The following NFASC variants were observed in gnomAD, a reference collection of about 807,000 sequenced individuals.
The protein encoded by NFASC is neurofascin.
Under a neutral mutation model 147.5 loss-of-function variants are expected in NFASC, and 43 were observed. That is an observed-to-expected ratio of 0.29 (90% CI 0.23 to 0.38). The LOEUF (loss-of-function observed/expected upper bound fraction) is 0.38. NFASC is among the 10% of genes least tolerant of loss of function. The pLI is 1.00. For synonymous variants in NFASC, 622 were observed against 665.5 expected (o/e 0.93, Z 1.01); for missense variants, 1,320 against 1,689.0 (o/e 0.78, Z 3.83).
chr1:204,976,837 C>T, intron 16 of NFASC, 42 bp downstream of exon 16: 1 of 1,589,796 alleles, frequency 6.3e-7, no homozygotes, highest in South Asian at 1.1e-5. Context: ...AGCCCCACCC[C>T]CTCCCCAGCA....
At chr1:204,965,850 T>A (rs2094921369) in intron 8 of NFASC, among the ~76,000 whole-genome samples, 1 of 152,196 alleles carries the variant, frequency 6.6e-6, no homozygotes, top group South Asian at 2.1e-4. Context: ...ACGTTTTTGG[T>A]GCTAAATGGC....
At chr1:205,009,270 C>T in intron 27 of NFASC, 2 of 510,544 alleles carry the variant, frequency 3.9e-6, no homozygotes, top group South Asian at 1.9e-5. Context: ...TGCCGTGCTT[C>T]ATCCCTATGA....
intron 4 of NFASC, among the ~76,000 whole-genome samples, chr1:204,951,179 C>T (rs538376874): frequency 2.4e-4 from 35 of 144,502 alleles, no homozygotes; most frequent in African/African-American, 8.4e-4. Context: ...TATGGAGTCT[C>T]GCTCTATCGC....
rs576518629 is a variant in NFASC, at chr1:204,954,622, G to T, written c.413-207G>T. On this transcript the variant is annotated intron_variant, in intron 6 of 29. Coordinates refer to ENST00000339876, the MANE Select transcript of NFASC (RefSeq NM_001005388.3). The surrounding 1 kb of genome is among the most constrained non-coding windows in gnomAD (Gnocchi z 5.7). ...ACTGCGGGCACAGGAGACGGGAAAG[G>T]AGGGGAGCCTTGAAGATGCCTCCCT... Among the ~76,000 whole-genome samples, 1 of 152,196 alleles carries T rather than the reference G, an allele frequency of 6.6e-6. No individual in the cohort carries two copies. Among genetic ancestry groups the T allele is most frequent in the Non-Finnish European group, 1.5e-5 (1 of 68,024 alleles).
At position 204,995,315 on chromosome 1, in the gene NFASC, AGTGTGTGTGTGTGT is replaced by A. The variant is rs60921990; in HGVS notation, c.2783-1830_2783-1817del. Among the ~76,000 whole-genome samples, 20 of 140,886 alleles carry A rather than the reference AGTGTGTGTGTGTGT, an allele frequency of 1.4e-4. No individual in the cohort carries two copies. The East Asian group carries it at 2.6e-3, about 18-fold the overall frequency. 92.4% of individuals were successfully genotyped at this position (140,886 alleles called of 152,430 possible). ...GCTTTCCCATGTATGATGTGTGCAC[AGTGTGTGTGTGTGT>A]GTGTGTGTGTGTGTGTGTGTGTGTA... On this transcript the variant is annotated intron_variant, in intron 24 of 29. Coordinates refer to ENST00000339876, the MANE Select transcript of NFASC (RefSeq NM_001005388.3).
chr1:204,956,061 C>T (rs1390190413), intron 7 of NFASC, among the ~76,000 whole-genome samples: 2 of 152,180 alleles, frequency 1.3e-5, no homozygotes, highest in African/African-American at 4.8e-5. Flanking sequence ...TCATCTCTCC[C>T]ACATCACATT....
chr1:204,985,833 C>G lies in NFASC; in HGVS notation c.2471-1585C>G, dbSNP rs568467143. On this transcript the variant is annotated intron_variant, in intron 21 of 29. Coordinates refer to ENST00000339876, the MANE Select transcript of NFASC (RefSeq NM_001005388.3). ...AGGCTGTAGCAAGCAAAGGAAAGAC[C>G]GGTCACTACCACCACCACTAACAAC... 4.5e-6 allele frequency: 4 copies of G among 892,674 alleles called. No individual in the cohort carries two copies. The East Asian group carries it at 7.9e-5, about 18-fold the overall frequency. The allele number at this position is 892,674 out of a possible 1,614,324, so 55.3% of individuals were successfully genotyped here. A position where few individuals can be genotyped will look rare whatever the true frequency, so the allele number is the denominator to read the frequency against.
In NFASC at chr1:204,846,860, G is replaced by A. The variant is rs1255055822; in HGVS notation, c.-200+18078G>A. Among the ~76,000 whole-genome samples, 3 of 152,224 alleles carry A rather than the reference G, an allele frequency of 2.0e-5. No homozygotes were observed. The East Asian group carries it at 5.8e-4, about 29-fold the overall frequency. On this transcript the variant is annotated intron_variant, in intron 1 of 29. Transcript: ENST00000339876. ...GCCCTGAGTCCTATATTCAGCCACA[G>A]CTGGGCAGCTGGCACTTGCTCAACT... is the stretch of plus-strand genomic sequence containing the variant.
chr1:204,869,356 C>T (rs1237585908), intron 1 of NFASC, among the ~76,000 whole-genome samples: 1 of 152,104 alleles, frequency 6.6e-6, no homozygotes, highest in Non-Finnish European at 1.5e-5. Flanking sequence ...CATTGCAGAA[C>T]ACTTAGAAAA....
chr1:204,836,807 C>T (rs1211886980), intron 1 of NFASC, among the ~76,000 whole-genome samples: 1 of 152,208 alleles, frequency 6.6e-6, no homozygotes, highest in Non-Finnish European at 1.5e-5. Flanking sequence ...GGAATTGAAG[C>T]CTTTGTCATC....
At chr1:205,002,864 C>T in intron 27 of NFASC, 116 bp downstream of exon 27, 4 of 786,698 alleles carry the variant, frequency 5.1e-6, no homozygotes, top group Non-Finnish European at 7.2e-6. Context: ...CCCCATTTCC[C>T]ACCTTGCATG....
At chr1:204,930,308 C>G (rs138140726) in intron 2 of NFASC, among the ~76,000 whole-genome samples, 1 of 152,124 alleles carries the variant, frequency 6.6e-6, no homozygotes, top group Admixed American at 6.5e-5. Context: ...AGAGCCGGGG[C>G]AGGCTCTGCT....
At chr1:204,861,078 CTTT>C (rs1162020795) in intron 1 of NFASC, among the ~76,000 whole-genome samples, 42 of 68,942 alleles carry the variant, frequency 6.1e-4, no homozygotes, top group African/African-American at 3.1e-3. Flanking sequence ...ACTTGCTTTC[CTTT>C]TTTTTTTTTT....
chr1:204,976,497 C>G (rs112971590), intron 15 of NFASC, among the ~76,000 whole-genome samples, 174 bp from the exon 16 acceptor site: 2,215 of 152,294 alleles, frequency 0.015, 53 homozygotes, highest in African/African-American at 0.047. Flanking sequence ...GATGAGTGCT[C>G]CAGGTGACTG....
At chr1:204,941,171 C>T (rs754995950) in intron 2 of NFASC, among the ~76,000 whole-genome samples, 1 of 152,164 alleles carries the variant, frequency 6.6e-6, no homozygotes, top group Non-Finnish European at 1.5e-5. Context: ...TCAAACCAGT[C>T]ACTTCCCTTC....
Position 204,987,638 on chromosome 1 carries a change from G to A in NFASC, c.2593+98G>A, listed in dbSNP as rs2095643140. 1.4e-5 allele frequency: 20 copies of A among 1,435,758 alleles called. No homozygotes were observed. The highest frequency in any genetic ancestry group is 1.9e-5 in the Non-Finnish European group (20 of 1,034,596). 88.9% of individuals were successfully genotyped at this position (1,435,758 alleles called of 1,614,324 possible). ...GACTCAAGGTAGAAAGCCTGTGGGT[G>A]CAGATGGCATTGTGGAGGGATGGAG... On this transcript the variant is annotated intron_variant, in intron 22 of 29. Transcript: ENST00000339876. This position sits in a 1 kb window ranked among gnomAD's most constrained non-coding sequence, Gnocchi z 4.4.
At chr1:204,983,006 G>T (rs2095538854) in intron 21 of NFASC, among the ~76,000 whole-genome samples, 1 of 152,194 alleles carries the variant, frequency 6.6e-6, no homozygotes, top group East Asian at 1.9e-4. Context: ...GGGTCAGCAG[G>T]TCCTCTGTCC....
intron 3 of NFASC, among the ~76,000 whole-genome samples, chr1:204,945,364 T>A (rs1046585708): frequency 9.8e-5 from 15 of 152,296 alleles, no homozygotes; most frequent in African/African-American, 3.6e-4. Flanking sequence ...AGTTAACAGA[T>A]GTCTGGGGAG....
chr1:205,012,722 T>C (rs1172345711), intron 28 of NFASC, 75 bp from the exon 29 acceptor site: 4 of 1,120,338 alleles, frequency 3.6e-6, no homozygotes, highest in Non-Finnish European at 5.5e-6. Flanking sequence ...TGGCCCTGCA[T>C]TCAGTGGAGC....
Sources: allele counts gnomAD v4.1 joint callset (sites outside exome capture counted in the v4.1 genomes callset), GRCh38; gene constraint gnomAD v4.1.1; non-coding constraint Gnocchi (gnomAD v3.1); transcripts MANE v1.5; gene names NCBI Gene and HGNC (gene_info 2026-07-23, HGNC 2026-07-21).